TBC1D32: variants seen among roughly 807,000 people sequenced by gnomAD.
TBC1D32 encodes the protein protein broad-minded.
TBC1D32 carries 151 observed loss-of-function variants against 170.3 expected under a neutral mutation model. The observed-to-expected ratio is 0.89, with a 90% CI of 0.78 to 1.01. The LOEUF is 1.01. Among genes scored for constraint, TBC1D32 ranks in the 50% least tolerant of loss-of-function variants. The pLI is 0.00. For missense variants in TBC1D32, 1,464 were observed against 1,457.1 expected, an observed-to-expected ratio of 1.00 and a Z score of -0.08; for synonymous variants, 498 against 488.0, an observed-to-expected ratio of 1.02 and a Z score of -0.27.
At chr6:121,120,576 T>C (rs1780155556) in intron 26 of TBC1D32, among the ~76,000 whole-genome samples, 1 of 152,034 alleles carries the variant, frequency 6.6e-6, no homozygotes, top group Non-Finnish European at 1.5e-5. Flanking sequence ...CTGTATGTTT[T>C]TCACATAAAT....
At chr6:121,107,434 T>C (rs1277968604) in intron 29 of TBC1D32, among the ~76,000 whole-genome samples, 3 of 152,026 alleles carry the variant, frequency 2.0e-5, no homozygotes, top group East Asian at 1.9e-4. Flanking sequence ...CTCCAGGAGA[T>C]ACCTCACAGC....
intron 30 of TBC1D32, among the ~76,000 whole-genome samples, chr6:121,093,485 G>A (rs1777052090): frequency 6.6e-6 from 1 of 152,110 alleles, no homozygotes; most frequent in Non-Finnish European, 1.5e-5. Context: ...GATGGATAAC[G>A]AAGGAGAAAC....
At chr6:121,095,491 G>C (rs963265075) in intron 30 of TBC1D32, among the ~76,000 whole-genome samples, 1 of 152,280 alleles carries the variant, frequency 6.6e-6, no homozygotes, top group Middle Eastern at 3.4e-3. Context: ...TGGTGAGAGA[G>C]GACATCCTTG....
At chr6:121,221,824 G>A (rs771849979) in intron 21 of TBC1D32, among the ~76,000 whole-genome samples, 33 of 152,234 alleles carry the variant, frequency 2.2e-4, no homozygotes, top group Middle Eastern at 3.2e-3. Context: ...TGTGAACACT[G>A]TTGAAATAAC....
rs150055397 is a variant in TBC1D32 at position 121,137,242 on chromosome 6, G to A, written c.2774-5490C>T. 2.6e-3 allele frequency among the ~76,000 whole-genome samples: 390 copies of A among 151,926 alleles called. 2 individuals are homozygous for A. The highest frequency in any genetic ancestry group is 8.6e-3 in the African/African-American group (355 of 41,502). ...AATGCTTTATTTTTATAGCAACCAT[G>A]TCTACATTCCTCTAAAAGTGCAGTA... On this transcript the variant is annotated intron_variant, in intron 24 of 31. Transcript: ENST00000398212.
chr6:121,134,099 A>G (rs1440991950), intron 24 of TBC1D32, among the ~76,000 whole-genome samples: 1 of 152,136 alleles, frequency 6.6e-6, no homozygotes, highest in Non-Finnish European at 1.5e-5. Context: ...TATCCACATT[A>G]CATATTGCCA....
chr6:121,273,471 C>G (rs1801775040), intron 15 of TBC1D32, among the ~76,000 whole-genome samples: 1 of 150,056 alleles, frequency 6.7e-6, no homozygotes, highest in Non-Finnish European at 1.5e-5. Context: ...TGGGGAACAT[C>G]ACACACCGGG....
intron 22 of TBC1D32, among the ~76,000 whole-genome samples, chr6:121,183,300 A>C (rs1292171598): frequency 6.6e-6 from 1 of 152,104 alleles, no homozygotes; most frequent in Admixed American, 6.6e-5. Flanking sequence ...CACTATTATA[A>C]TTTTAAGGCT....
At chr6:121,139,151 A>G (rs1782494418) in intron 24 of TBC1D32, among the ~76,000 whole-genome samples, 1 of 152,018 alleles carries the variant, frequency 6.6e-6, no homozygotes, top group Non-Finnish European at 1.5e-5. Flanking sequence ...CAGCCATACC[A>G]TATTATTTTT....
Position 121,299,368 on chromosome 6 carries a change from T to C in TBC1D32, c.1140+78A>G, listed in dbSNP as rs1437850190. The C allele has an allele frequency of 2.1e-6, 3 of 1,395,944 alleles. No homozygotes were observed. In the African/African-American group the frequency reaches 4.4e-5, roughly 20 times the overall value. 86.5% of individuals were successfully genotyped at this position (1,395,944 alleles called of 1,614,324 possible). A position where few individuals can be genotyped will look rare whatever the true frequency, so the allele number is the denominator to read the frequency against. ...CCAATATTAATTATCACCACACAAC[T>C]TTGCATAGTCAAGTTATTACATCAT... is the stretch of plus-strand genomic sequence containing the variant. On this transcript the variant is annotated intron_variant, in intron 10 of 31. Coordinates refer to ENST00000398212, the MANE Select transcript of TBC1D32 (RefSeq NM_152730.6).
chr6:121,150,659 T>C (rs112820201), intron 24 of TBC1D32, among the ~76,000 whole-genome samples: 2,285 of 152,294 alleles, frequency 0.015, 73 homozygotes, highest in African/African-American at 0.053. Flanking sequence ...GGTAGACTAT[T>C]AATTATTGCC....
chr6:121,151,758 C>A (rs1313697611), intron 24 of TBC1D32, among the ~76,000 whole-genome samples: 1 of 151,962 alleles, frequency 6.6e-6, no homozygotes, highest in South Asian at 2.1e-4. Flanking sequence ...TTATGTAATG[C>A]CCTTCATTGT....
intron 22 of TBC1D32, among the ~76,000 whole-genome samples, chr6:121,162,779 A>T (rs7763297): frequency 0.025 from 3,361 of 133,578 alleles, 172 homozygotes; most frequent in East Asian, 0.13. Context: ...CGACGCAGAA[A>T]ACAGGTGATT....
At chr6:121,237,364 T>C (rs2128352001) in intron 20 of TBC1D32, among the ~76,000 whole-genome samples, 1 of 152,086 alleles carries the variant, frequency 6.6e-6, no homozygotes, top group South Asian at 2.1e-4. Flanking sequence ...CTTAGTGTAG[T>C]TTCCTTTATA....
chr6:121,294,899 G>A (rs930922630), intron 10 of TBC1D32, among the ~76,000 whole-genome samples: 1 of 152,066 alleles, frequency 6.6e-6, no homozygotes, highest in Non-Finnish European at 1.5e-5. Flanking sequence ...TATAATGTTG[G>A]TGTCATTGGA....
In TBC1D32 at chr6:121,299,469, G is replaced by C; in HGVS notation, c.1117C>G (p.Leu373Val). ...HYSRTTVLRL[L>V]ETKYKSLVTT... is the part of the protein sequence containing the mutation. ...ACCAGAGACTTATATTTCGTTTCAA[G>C]AAGTCTTAATACTGTAGTTCTGCTA... The change falls in exon 10 of 32, where the codon CTT (leucine) becomes GTT (valine). Residue 373 changes from leucine to valine, a missense_variant. Transcript: ENST00000398212. 1 of 1,509,270 alleles carries C rather than the reference G, an allele frequency of 6.6e-7. No individual in the cohort carries two copies. Among genetic ancestry groups the C allele is most frequent in the Non-Finnish European group, 9.1e-7 (1 of 1,103,150 alleles). 93.5% of individuals were successfully genotyped at this position (1,509,270 alleles called of 1,614,324 possible).
intron 20 of TBC1D32, among the ~76,000 whole-genome samples, chr6:121,231,270 G>A (rs1019419801): frequency 6.6e-6 from 1 of 152,036 alleles, no homozygotes. Flanking sequence ...ATCTTTTTAT[G>A]GCTGAGTAGT....
intron 30 of TBC1D32, chr6:121,096,111 C>G (rs930299563): frequency 6.6e-6 from 1 of 152,042 alleles, no homozygotes; most frequent in South Asian, 2.1e-4. Context: ...AATTTTTGAA[C>G]TTATTATTGA....
At chr6:121,161,604 A>T (rs536722308) in intron 22 of TBC1D32, among the ~76,000 whole-genome samples, 1 of 152,232 alleles carries the variant, frequency 6.6e-6, no homozygotes, top group South Asian at 2.1e-4. Context: ...ATTTGTGTTG[A>T]TTCCGTGTCT....
Sources: gnomAD v4.1 joint callset for allele counts (sites outside exome capture counted in the v4.1 genomes callset) on GRCh38, gnomAD v4.1.1 for gene constraint, MANE v1.5 for transcripts, NCBI Gene and HGNC (gene_info 2026-07-23, HGNC 2026-07-21) for gene names.